The following DOCK6 variants were observed in gnomAD, a reference collection of about 807,000 sequenced individuals.
DOCK6 encodes the protein dedicator of cytokinesis protein 6.
A neutral mutation model predicts 230.3 loss-of-function variants in DOCK6; 167 were observed. The ratio of observed to expected loss-of-function variants is 0.73; its 90% CI spans 0.64 to 0.82. The LOEUF (loss-of-function observed/expected upper bound fraction) is 0.82. Ranked by LOEUF, DOCK6 falls within the 40% of genes least tolerant of loss-of-function variation. The pLI is 0.00. For missense variants in DOCK6, 2,598 were observed against 2,825.8 expected, an observed-to-expected ratio of 0.92 and a Z score of 1.83; for synonymous variants, 1,148 against 1,185.0, an observed-to-expected ratio of 0.97 and a Z score of 0.64.
intron 14 of DOCK6, 138 bp from the exon 15 acceptor site, chr19:11,238,442 C>A: frequency 1.4e-6 from 1 of 727,800 alleles, no homozygotes; most frequent in Non-Finnish European, 2.3e-6. Flanking sequence ...GCATTGAGGG[C>A]CCGGTGAGAG....
At chr19:11,221,445 C>G (rs1361446279) in intron 28 of DOCK6, 1 of 176,318 alleles carries the variant, frequency 5.7e-6, no homozygotes, top group African/African-American at 2.4e-5. Flanking sequence ...TATACCACCC[C>G]CCTCAACAAT....
At chr19:11,209,366 G>A (rs182480154) in intron 37 of DOCK6, among the ~76,000 whole-genome samples, 24 of 151,488 alleles carry the variant, frequency 1.6e-4, no homozygotes, top group Admixed American at 6.6e-4. Flanking sequence ...CCTACCTTAC[G>A]TATTCCTGTA....
rs1016002621 is a variant in DOCK6 at position 11,237,776 on chromosome 19, G to C, written c.1836C>G (p.Ser612=). 1.3e-5 allele frequency: 20 copies of C among 1,565,690 alleles called. No individual in the cohort carries two copies. Among genetic ancestry groups the C allele is most frequent in the Non-Finnish European group, 1.7e-5 (20 of 1,155,798 alleles). The change falls in exon 17 of 48, where the codon TCC becomes TCG. Residue 612 remains serine, a synonymous_variant. Transcript: ENST00000294618. ...GCTTGAACTCCTCGTAGAACTCGGG[G>C]GACCTGGCAGAATCGGGCTGGGGGA... ...AFTPVVYHNK[S]PEFYEEFKLH... is the part of the protein sequence containing the mutation.
intron 31 of DOCK6, 65 bp downstream of exon 31, chr19:11,215,736 G>A: frequency 6.2e-7 from 1 of 1,606,784 alleles, no homozygotes; most frequent in South Asian, 1.1e-5. Context: ...CCTTCATGGG[G>A]TCCCCTTGAC....
Position 11,236,639 on chromosome 19 carries a change from A to G in DOCK6, c.2161-62T>C. On this transcript the variant is annotated intron_variant, in intron 19 of 47. Transcript: ENST00000294618. This position sits in a 1 kb window ranked among gnomAD's most constrained non-coding sequence, Gnocchi z 5.2. Reference sequence around the variant, plus strand: ...AGGGAATGAAGACCACCCCTGCCTGAATCAGCAGCTTCCCTTAAAGCTGGG... The same window carrying G: ...AGGGAATGAAGACCACCCCTGCCTGGATCAGCAGCTTCCCTTAAAGCTGGG... 6.6e-7 allele frequency: 1 copy of G among 1,515,152 alleles called. No homozygotes were observed. Among genetic ancestry groups the G allele is most frequent in the East Asian group, 2.5e-5 (1 of 40,428 alleles). The allele number at this position is 1,515,152 out of a possible 1,614,324, so 93.9% of individuals were successfully genotyped here.
chr19:11,233,298 G>C lies in DOCK6; in HGVS notation c.2623C>G (p.Leu875Val). ...RGSGRPASLY[L>V]ARSKSISSSN... ...CTGCTGATGCTCTTGGAACGCGCCA[G>C]GTAGAGGCTTGCGGGGCGACCAGAG... The change falls in exon 22 of 48, where the codon CTG becomes GTG. Residue 875 changes from leucine to valine, a missense_variant. Physicochemically the swap from Leu to Val is conservative, Grantham distance 32. Transcript: ENST00000294618. The C allele has an allele frequency of 6.2e-7, 1 of 1,613,932 alleles. No individual in the cohort carries two copies.
intron 1 of DOCK6, chr19:11,254,029 T>C (rs2080162911): frequency 6.7e-6 from 2 of 298,910 alleles, no homozygotes; most frequent in Admixed American, 1.1e-4. Flanking sequence ...CACGGGTCCC[T>C]GGCCTCTGCT....
rs1188889880 is a variant in DOCK6, at chr19:11,214,613, T to C, written c.4143A>G (p.Glu1381=). 5.6e-6 allele frequency: 9 copies of C among 1,613,682 alleles called. No individual in the cohort carries two copies. The highest frequency in any genetic ancestry group is 7.6e-6 in the Non-Finnish European group (9 of 1,179,874). ...KDEMEHEALV[E]GNLATEASLV... The stretch of plus-strand genomic sequence containing the variant: ...GGCTTGCCTCGGTTGCCAGGTTCCC[T>C]TCCACCAAGGCCTCGTGTTCCATTT... The change falls in exon 33 of 48, where the codon GAA becomes GAG. Residue 1381 remains glutamate (E), a synonymous_variant. Coordinates refer to ENST00000294618, the MANE Select transcript of DOCK6 (RefSeq NM_020812.4).
At chr19:11,208,582 T>G in intron 39 of DOCK6, 104 bp downstream of exon 39, 2 of 1,476,916 alleles carry the variant, frequency 1.4e-6, no homozygotes, top group Non-Finnish European at 1.8e-6. Context: ...CCCAGCCTAT[T>G]CTCCTTCTTT....
chr19:11,245,874 C>A lies in DOCK6; in HGVS notation c.811G>T (p.Glu271Ter). The A allele has an allele frequency of 6.4e-7, 1 of 1,562,106 alleles. No individual in the cohort carries two copies. Among genetic ancestry groups the A allele is most frequent in the East Asian group, 2.4e-5 (1 of 41,920 alleles). The change falls in exon 8 of 48, where the codon GAG becomes TAG. Residue 271 changes from glutamate to a stop codon, truncating the protein, a stop_gained. Transcript: ENST00000294618. LOFTEE classifies it high-confidence loss of function. ...ILVKCLSLKF[E>*]IEIEPIFGIL... ...CCAAAGATGGGCTCAATTTCAATCT[C>A]GAACCTACAAGTAAATGGGAGGGAG...
At position 11,241,410 on chromosome 19, in the gene DOCK6, G is replaced by A. The variant is rs140744155; in HGVS notation, c.1643+635C>T. ...GGGTCAGGGGATGGGAGGTGAGGTG[G>A]CTGTCGGCTGAGGTTTCCATTCTGA... On this transcript the variant is annotated intron_variant, in intron 14 of 47. Coordinates refer to ENST00000294618, the MANE Select transcript of DOCK6 (RefSeq NM_020812.4). 6 of 1,389,294 alleles carry A rather than the reference G, an allele frequency of 4.3e-6. No homozygotes were observed. In the African/African-American group the frequency reaches 8.6e-5, roughly 20 times the overall value. The allele number at this position is 1,389,294 out of a possible 1,614,324, so 86.1% of individuals were successfully genotyped here.
chr19:11,237,936 T>G (rs889424287), intron 16 of DOCK6, 109 bp downstream of exon 16: 15 of 1,448,498 alleles, frequency 1.0e-5, no homozygotes, highest in Non-Finnish European at 5.7e-6. Context: ...TCTACCTCTC[T>G]TCTTCCTGTC....
Position 11,236,925 on chromosome 19 carries a change from C to T in DOCK6, c.2074-46G>A. ...GTGGGCACTGGTCAGCCCTCCCTGA[C>T]TGATCAGGTCACCCAGCGGCCCCAG... On this transcript the variant is annotated intron_variant, in intron 18 of 47. Coordinates refer to ENST00000294618, the MANE Select transcript of DOCK6 (RefSeq NM_020812.4). The surrounding 1 kb of genome is among the most constrained non-coding windows in gnomAD (Gnocchi z 5.2). 1 of 1,523,680 alleles carries T rather than the reference C, an allele frequency of 6.6e-7. No homozygotes were observed. Among genetic ancestry groups the T allele is most frequent in the East Asian group, 2.5e-5 (1 of 40,408 alleles). The allele number at this position is 1,523,680 out of a possible 1,614,324, so 94.4% of individuals were successfully genotyped here.
Position 11,248,168 on chromosome 19 carries a change from GT to G in DOCK6, c.721-18del. ...GGCTTCATCCTGCCAAGAGTGGGGG[GT>G]GGGAGCTGGGCGGGAGGAGCTGGGA... is the stretch of plus-strand genomic sequence containing the variant. On this transcript the variant is annotated intron_variant, in intron 6 of 47. Coordinates refer to ENST00000294618, the MANE Select transcript of DOCK6 (RefSeq NM_020812.4). 6.5e-7 allele frequency: 1 copy of G among 1,529,112 alleles called. No homozygotes were observed. The highest frequency in any genetic ancestry group is 9.0e-7 in the Non-Finnish European group (1 of 1,108,974). 94.7% of individuals were successfully genotyped at this position (1,529,112 alleles called of 1,614,324 possible).
At chr19:11,245,919 C>A (rs1317605300) in intron 7 of DOCK6, 41 bp from the exon 8 acceptor site, 25 of 1,551,060 alleles carry the variant, frequency 1.6e-5, no homozygotes, top group Non-Finnish European at 2.2e-5. Flanking sequence ...CTTAACACTT[C>A]CCGCTGTCCA....
At position 11,215,929 on chromosome 19, in the gene DOCK6, T is replaced by C; in HGVS notation, c.3895-2A>G. 1 of 1,613,672 alleles carries C rather than the reference T, an allele frequency of 6.2e-7. No homozygotes were observed. The highest frequency in any genetic ancestry group is 8.5e-7 in the Non-Finnish European group (1 of 1,179,768). The stretch of plus-strand genomic sequence containing the variant: ...GATGCGTTCAAAGGCCTTTTTCCCC[T>C]GGGGGTGCAGAGAACTGGGGTTCCA... On this transcript the variant is annotated splice_acceptor_variant, in intron 30 of 47. Transcript: ENST00000294618. LOFTEE classifies it high-confidence loss of function.
chr19:11,252,355 G>A, intron 4 of DOCK6, 107 bp from the exon 5 acceptor site: 1 of 1,577,944 alleles, frequency 6.3e-7, no homozygotes, highest in Non-Finnish European at 8.7e-7. Context: ...CCGTCCTTGT[G>A]CTCCACCAGA....
Position 11,202,427 on chromosome 19 carries a change from G to T in DOCK6, c.5418C>A (p.Asn1806Lys). 6.2e-7 allele frequency: 1 copy of T among 1,613,846 alleles called. No homozygotes were observed. Among genetic ancestry groups the T allele is most frequent in the Non-Finnish European group, 8.5e-7 (1 of 1,179,846 alleles). The change falls in exon 43 of 48, where the codon AAC becomes AAA. Residue 1806 changes from asparagine (N) to lysine (K), a missense_variant. Asn to Lys is a moderately conservative substitution (Grantham distance 94, BLOSUM62 0). Coordinates refer to ENST00000294618, the MANE Select transcript of DOCK6 (RefSeq NM_020812.4). This position sits in a 1 kb window ranked among gnomAD's most constrained non-coding sequence, Gnocchi z 5.3. ...AGTCAAGCTTGGACTTGTCCACAGG[G>T]TTAGAGTCTTTGATAATCTCAACGA... ...DDVVEIIKDS[N>K]PVDKSKLDSQ...
At chr19:11,215,294 C>T in intron 32 of DOCK6, 93 bp downstream of exon 32, 1 of 1,167,942 alleles carries the variant, frequency 8.6e-7, no homozygotes, top group South Asian at 1.3e-5. Flanking sequence ...ACTATGTTGC[C>T]CAGGCTGGTC....
Sources: gnomAD v4.1 joint callset for allele counts (sites outside exome capture counted in the v4.1 genomes callset) on GRCh38, gnomAD v4.1.1 for gene constraint, Gnocchi (gnomAD v3.1) non-coding constraint, MANE v1.5 for transcripts, NCBI Gene and HGNC (gene_info 2026-07-23, HGNC 2026-07-21) for gene names.